Variants in IRF2 observed in about 807,000 individuals in gnomAD.
IRF2 encodes interferon regulatory factor 2.
Under a neutral mutation model 40.6 loss-of-function variants are expected in IRF2, and 15 were observed. That is an observed-to-expected ratio of 0.37 (90% confidence interval 0.25 to 0.57). IRF2 has a LOEUF of 0.57. Ranked by LOEUF, IRF2 falls within the 20% of genes least tolerant of loss-of-function variation. The probability of loss-of-function intolerance (pLI) is 0.77; values close to 1 mark genes in which losing one functional copy is unlikely to be tolerated. For synonymous variants in IRF2, 151 were observed against 165.5 expected (o/e 0.91, Z 0.67); for missense variants, 317 against 455.7 (o/e 0.70, Z 2.77).
chr4:184,428,496 C>T (rs1401919028), intron 2 of IRF2, among the ~76,000 whole-genome samples: 2 of 152,204 alleles, frequency 1.3e-5, no homozygotes, highest in African/African-American at 4.8e-5. Context: ...TACAGTCGTA[C>T]AGGATACAAA....
rs893623618 is a variant in IRF2, at chr4:184,436,878, C to A, written c.-6-7808G>T. Among the ~76,000 whole-genome samples, 2 of 151,988 alleles carry A rather than the reference C, an allele frequency of 1.3e-5. 1 individual carries two copies. The highest frequency in any genetic ancestry group is 1.3e-4 in the Admixed American group (2 of 15,256). Reference sequence around the variant, plus strand: ...CTCTAACCAGTTAAATACTAGTATCCCCATTTTATTTTTTCATTTTATTTT... The same window carrying A: ...CTCTAACCAGTTAAATACTAGTATCACCATTTTATTTTTTCATTTTATTTT... On this transcript the variant is annotated intron_variant, in intron 1 of 8. Coordinates refer to ENST00000393593, the MANE Select transcript of IRF2 (RefSeq NM_002199.4).
rs568130093 is a variant in IRF2, at chr4:184,416,398, T to C, written c.411+1769A>G. 3.4e-3 allele frequency among the ~76,000 whole-genome samples: 471 copies of C among 137,178 alleles called. 4 individuals carry two copies. The highest frequency in any genetic ancestry group is 0.012 in the African/African-American group (456 of 37,396). The allele number at this position is 137,178 out of a possible 152,430, so 90.0% of individuals were successfully genotyped here. Reference sequence around the variant, plus strand: ...GCTAACAACTAGGTTTGTTCAATTGTAAAAAAAAAAAAATGTTTTAAGAGG... The same window carrying C: ...GCTAACAACTAGGTTTGTTCAATTGCAAAAAAAAAAAAATGTTTTAAGAGG... On this transcript the variant is annotated intron_variant, in intron 5 of 8. Transcript: ENST00000393593.
intron 1 of IRF2, among the ~76,000 whole-genome samples, chr4:184,467,790 T>C (rs1430472044): frequency 1.3e-5 from 2 of 152,248 alleles, no homozygotes. Context: ...ATCAAATGCC[T>C]TCAGCAGATA....
At chr4:184,418,928 G>A (rs1474023567) in intron 3 of IRF2, among the ~76,000 whole-genome samples, 2 of 152,194 alleles carry the variant, frequency 1.3e-5, no homozygotes. Context: ...GTCAAACTGG[G>A]ACAAGTTGGT....
chr4:184,462,583 T>G (rs1007346348), intron 1 of IRF2, among the ~76,000 whole-genome samples: 1 of 152,218 alleles, frequency 6.6e-6, no homozygotes, highest in African/African-American at 2.4e-5. Context: ...AGCTTCCAAA[T>G]GTTTATCTTC....
intron 1 of IRF2, among the ~76,000 whole-genome samples, chr4:184,470,601 G>T (rs148571194): frequency 6.7e-6 from 1 of 149,912 alleles, no homozygotes; most frequent in East Asian, 2.0e-4. Context: ...TGAAGCACAG[G>T]AATTGCTTGA....
intron 6 of IRF2, among the ~76,000 whole-genome samples, chr4:184,405,478 C>G (rs1736821935): frequency 6.6e-6 from 1 of 152,216 alleles, no homozygotes; most frequent in East Asian, 1.9e-4. Context: ...GGGAGCTTAA[C>G]TCGTTCAGAG....
chr4:184,450,995 T>C (rs906205061), intron 1 of IRF2, among the ~76,000 whole-genome samples: 6 of 152,180 alleles, frequency 3.9e-5, no homozygotes, highest in African/African-American at 1.2e-4. Flanking sequence ...GAAGCACAAA[T>C]GCAAAAACAG....
chr4:184,471,598 G>T, intron 1 of IRF2, among the ~76,000 whole-genome samples: 1 of 152,238 alleles, frequency 6.6e-6, no homozygotes, highest in Admixed American at 6.5e-5. Context: ...TGTACGAGAT[G>T]ATGTTAAGAA....
intron 7 of IRF2, among the ~76,000 whole-genome samples, chr4:184,398,714 T>A (rs575450027): frequency 6.6e-6 from 1 of 151,506 alleles, no homozygotes; most frequent in East Asian, 1.9e-4. Flanking sequence ...AGTAAAGAAA[T>A]GCTGTGATCC....
At chr4:184,417,839 A>G (rs1275552792) in intron 5 of IRF2, among the ~76,000 whole-genome samples, 2 of 145,092 alleles carry the variant, frequency 1.4e-5, no homozygotes, top group African/African-American at 4.9e-5. Flanking sequence ...TAATAGTATG[A>G]GAATAAGCTG....
intron 1 of IRF2, among the ~76,000 whole-genome samples, chr4:184,450,874 T>C (rs1308280029): frequency 6.6e-6 from 1 of 152,184 alleles, no homozygotes; most frequent in Non-Finnish European, 1.5e-5. Context: ...GCATGCCCTA[T>C]GAATGACATC....
intron 1 of IRF2, among the ~76,000 whole-genome samples, chr4:184,469,277 G>C (rs1343302025): frequency 6.6e-6 from 1 of 152,102 alleles, no homozygotes; most frequent in Non-Finnish European, 1.5e-5. Flanking sequence ...CACACCACGG[G>C]TCTCTACCTT....
At chr4:184,425,028 T>C (rs1737617543) in intron 2 of IRF2, among the ~76,000 whole-genome samples, 1 of 152,206 alleles carries the variant, frequency 6.6e-6, no homozygotes, top group Non-Finnish European at 1.5e-5. Flanking sequence ...CATGCAGACA[T>C]GAAGAAGATA....
chr4:184,411,514 G>A (rs1478765886), intron 5 of IRF2, among the ~76,000 whole-genome samples: 1 of 152,130 alleles, frequency 6.6e-6, no homozygotes, highest in Non-Finnish European at 1.5e-5. Context: ...AGAGCCATCA[G>A]TGCCAATCAT....
intron 5 of IRF2, among the ~76,000 whole-genome samples, chr4:184,412,005 TAAAAAAAAAAAA>T (rs35183333): frequency 1.2e-4 from 11 of 95,242 alleles, no homozygotes; most frequent in Admixed American, 1.2e-4. Context: ...CTCCAAAGAT[TAAAAAAAAAAAA>T]AAAAAAAAAA....
rs140275139 is a variant in IRF2 at position 184,424,238 on chromosome 4, G to A, written c.88-4670C>T. ...GCCCCAGCCAAGGTCTCATTCATGA[G>A]CTGGTTATAATGCACTTTTCCAAAC... On this transcript the variant is annotated intron_variant, in intron 2 of 8. Transcript: ENST00000393593. Among the ~76,000 whole-genome samples, 1,020 of 152,312 alleles carry A rather than the reference G, an allele frequency of 6.7e-3. 7 individuals carry two copies. Among genetic ancestry groups the A allele is most frequent in the Non-Finnish European group, 0.01 (709 of 68,022 alleles).
chr4:184,425,789 T>C (rs565661176), intron 2 of IRF2, among the ~76,000 whole-genome samples: 11 of 151,998 alleles, frequency 7.2e-5, no homozygotes, highest in African/African-American at 1.9e-4. Context: ...ATGGACAAAA[T>C]AGATGGAAGA....
At chr4:184,441,453 A>C (rs1738301539) in intron 1 of IRF2, among the ~76,000 whole-genome samples, 1 of 152,150 alleles carries the variant, frequency 6.6e-6, no homozygotes, top group Non-Finnish European at 1.5e-5. Flanking sequence ...TGCTCGTGAC[A>C]CCCCTGTAAT....
Sources: allele counts gnomAD v4.1 joint callset (sites outside exome capture counted in the v4.1 genomes callset), GRCh38; gene constraint gnomAD v4.1.1; transcripts MANE v1.5; gene names NCBI Gene and HGNC (gene_info 2026-07-23, HGNC 2026-07-21).